Variants in PITPNB observed in about 807,000 individuals in gnomAD.
The protein encoded by PITPNB is phosphatidylinositol transfer protein beta isoform.
PITPNB carries 16 observed loss-of-function variants against 45.9 expected under a neutral mutation model. The ratio of observed to expected loss-of-function variants is 0.35; its 90% CI spans 0.24 to 0.53. The LOEUF is 0.53. Ranked by LOEUF, PITPNB falls within the 20% of genes least tolerant of loss-of-function variation. The pLI, the probability that PITPNB is intolerant of heterozygous loss-of-function variation, is 0.93. For missense variants in PITPNB, 188 were observed against 330.5 expected, an observed-to-expected ratio of 0.57 and a Z score of 3.34; for synonymous variants, 112 against 108.9, an observed-to-expected ratio of 1.03 and a Z score of -0.18.
intron 9 of PITPNB, 103 bp from the exon 10 acceptor site, chr22:27,858,612 T>C (rs1200582055): frequency 6.5e-5 from 56 of 857,074 alleles, no homozygotes; most frequent in Non-Finnish European, 8.8e-6. Flanking sequence ...TTTACACATT[T>C]GGTTCAAAAA....
chr22:27,909,514 A>G (rs2146424126), intron 3 of PITPNB, among the ~76,000 whole-genome samples: 1 of 152,302 alleles, frequency 6.6e-6, no homozygotes, highest in South Asian at 2.1e-4. Context: ...AGAAATTCAA[A>G]TGGTCAATTA....
chr22:27,855,855 C>T (rs16985638), intron 10 of PITPNB, among the ~76,000 whole-genome samples: 7,330 of 152,232 alleles, frequency 0.048, 290 homozygotes, highest in South Asian at 0.12. Flanking sequence ...AATCTATCAT[C>T]AGGTGTCAGG....
chr22:27,856,109 G>A (rs1461466098), intron 10 of PITPNB, among the ~76,000 whole-genome samples: 2 of 152,292 alleles, frequency 1.3e-5, no homozygotes, highest in African/African-American at 4.8e-5. Flanking sequence ...GGGATTCAAC[G>A]TTAAGATGCA....
At chr22:27,919,010 T>C (rs1251418590) in intron 1 of PITPNB, 162 bp downstream of exon 1, 3 of 1,021,202 alleles carry the variant, frequency 2.9e-6, no homozygotes, top group Non-Finnish European at 4.5e-6. Context: ...AGGGGCGCAC[T>C]CGCTGAGGGG....
chr22:27,875,634 A>ATT (rs145199256), intron 7 of PITPNB, among the ~76,000 whole-genome samples: 6 of 152,178 alleles, frequency 3.9e-5, no homozygotes, highest in African/African-American at 9.7e-5. Context: ...AAGCAAGCTC[A>ATT]TTTTCTTTTT....
At chr22:27,885,212 T>TTAAAAAAAAAAAAAAAAA (rs1569019261) in intron 7 of PITPNB, among the ~76,000 whole-genome samples, 3 of 30,192 alleles carry the variant, frequency 9.9e-5, no homozygotes, top group East Asian at 2.4e-3. Context: ...AATTTATACC[T>TTAAAAAAAAAAAAAAAAA]AAAAAAAAAA....
At chr22:27,897,986 T>C (rs1935482432) in intron 3 of PITPNB, 94 bp from the exon 4 acceptor site, 1 of 837,838 alleles carries the variant, frequency 1.2e-6, no homozygotes, top group Non-Finnish European at 2.1e-6. Flanking sequence ...CAATCAAAGG[T>C]GACCAGGTTC....
intron 9 of PITPNB, 125 bp from the exon 10 acceptor site, chr22:27,858,634 A>G: frequency 1.6e-6 from 1 of 630,938 alleles, no homozygotes; most frequent in Non-Finnish European, 2.6e-6. Flanking sequence ...ACTACTCTGT[A>G]GATTTGTGGA....
At chr22:27,884,129 CCA>C (rs145081353) in intron 7 of PITPNB, among the ~76,000 whole-genome samples, 6,563 of 152,226 alleles carry the variant, frequency 0.043, 238 homozygotes, top group African/African-American at 0.092. Context: ...AACCCAGGGA[CCA>C]CACAGTGTAG....
intron 8 of PITPNB, among the ~76,000 whole-genome samples, chr22:27,871,675 A>G (rs1934662738): frequency 6.6e-6 from 1 of 152,252 alleles, no homozygotes; most frequent in South Asian, 2.1e-4. Context: ...TACATCAAGC[A>G]GGCTGAATTT....
intron 10 of PITPNB, among the ~76,000 whole-genome samples, chr22:27,857,205 C>T (rs1017954493): frequency 6.6e-6 from 1 of 152,072 alleles, no homozygotes; most frequent in African/African-American, 2.4e-5. Flanking sequence ...ATAACATTGT[C>T]TCTATGGGAA....
chr22:27,871,657 A>G (rs1484228735), intron 8 of PITPNB, among the ~76,000 whole-genome samples: 1 of 152,240 alleles, frequency 6.6e-6, no homozygotes, highest in East Asian at 1.9e-4. Flanking sequence ...AATCCATTAA[A>G]GCAAATTTAC....
Position 27,853,482 on chromosome 22 carries a change from T to C in PITPNB, c.*220A>G, listed in dbSNP as rs2146340980. ...TGGATCTGTAGCTCTACATGCGCTT[T>C]ATATACAGCTACAGACATATGCACA... On this transcript the variant is annotated 3_prime_UTR_variant, in exon 12 of 12. Transcript: ENST00000335272. The C allele has an allele frequency of 2.8e-6, 2 of 702,126 alleles. No individual in the cohort carries two copies. Among genetic ancestry groups the C allele is most frequent in the East Asian group, 2.7e-5 (1 of 36,820 alleles). 43.5% of individuals were successfully genotyped at this position (702,126 alleles called of 1,614,324 possible).
intron 3 of PITPNB, among the ~76,000 whole-genome samples, chr22:27,904,696 C>G (rs1935706580): frequency 6.6e-6 from 1 of 151,900 alleles, no homozygotes; most frequent in African/African-American, 2.4e-5. Context: ...GGAGGCAAGT[C>G]TAAGAGAGAG....
chr22:27,884,657 T>A (rs757215329), intron 7 of PITPNB, among the ~76,000 whole-genome samples: 2 of 152,198 alleles, frequency 1.3e-5, no homozygotes, highest in Non-Finnish European at 2.9e-5. Flanking sequence ...AATTTCACCA[T>A]GAACTGAAGC....
chr22:27,855,846 A>C (rs1447285233), intron 10 of PITPNB, among the ~76,000 whole-genome samples: 1 of 152,210 alleles, frequency 6.6e-6, no homozygotes, highest in Non-Finnish European at 1.5e-5. Context: ...TGTCATTAAA[A>C]TCTATCATCA....
At chr22:27,906,733 G>A (rs1935772592) in intron 3 of PITPNB, among the ~76,000 whole-genome samples, 1 of 152,050 alleles carries the variant, frequency 6.6e-6, no homozygotes, top group African/African-American at 2.4e-5. Context: ...AATTACCATG[G>A]GCAAACACTC....
intron 3 of PITPNB, among the ~76,000 whole-genome samples, chr22:27,900,558 A>T (rs891723674): frequency 6.6e-6 from 1 of 152,214 alleles, no homozygotes; most frequent in Non-Finnish European, 1.5e-5. Context: ...CTAGATTTCA[A>T]ATTTACTTTT....
At chr22:27,910,095 C>T (rs564085065) in intron 3 of PITPNB, among the ~76,000 whole-genome samples, 23 of 152,056 alleles carry the variant, frequency 1.5e-4, no homozygotes, top group African/African-American at 4.6e-4. Context: ...GGACTATAGG[C>T]GTGCGCCACC....
Sources: allele counts gnomAD v4.1 joint callset (sites outside exome capture counted in the v4.1 genomes callset), GRCh38; gene constraint gnomAD v4.1.1; transcripts MANE v1.5; gene names NCBI Gene and HGNC (gene_info 2026-07-23, HGNC 2026-07-21).